The following ATP10D variants were observed in gnomAD, a reference collection of about 807,000 sequenced individuals.
ATP10D encodes the protein phospholipid-transporting ATPase VD.
ATP10D carries 89 observed loss-of-function variants against 144.8 expected under a neutral mutation model. The ratio of observed to expected loss-of-function variants is 0.61; its 90% CI spans 0.52 to 0.73. ATP10D has a LOEUF of 0.73. Ranked by LOEUF, ATP10D falls within the 30% of genes least tolerant of loss-of-function variation. The pLI is 0.00. For missense variants in ATP10D, 1,603 were observed against 1,714.8 expected, an observed-to-expected ratio of 0.93 and a Z score of 1.15; for synonymous variants, 571 against 615.1, an observed-to-expected ratio of 0.93 and a Z score of 1.06.
chr4:47,593,376 T>C lies in ATP10D; in HGVS notation c.*1995T>C, dbSNP rs1721127503. ...TTATGTACTTTGCTTAATGTAATCA[T>C]TCATATACTTTGCTACAAAAATATT... On this transcript the variant is annotated 3_prime_UTR_variant, in exon 23 of 23. Transcript: ENST00000273859. 6.6e-6 allele frequency: 1 copy of C among 152,110 alleles called. No homozygotes were observed. The highest frequency in any genetic ancestry group is 1.5e-5 in the Non-Finnish European group (1 of 67,988). 9.4% of individuals were successfully genotyped at this position (152,110 alleles called of 1,614,324 possible). A position where few individuals can be genotyped will look rare whatever the true frequency, so the allele number is the denominator to read the frequency against.
chr4:47,563,352 C>G (rs771853023), intron 14 of ATP10D, among the ~76,000 whole-genome samples: 1 of 152,072 alleles, frequency 6.6e-6, no homozygotes, highest in African/African-American at 2.4e-5. Context: ...AAAAGGAGAA[C>G]GAGTAAGTTT....
intron 13 of ATP10D, among the ~76,000 whole-genome samples, chr4:47,559,237 C>A (rs1207472259): frequency 6.6e-6 from 1 of 152,170 alleles, no homozygotes; most frequent in East Asian, 1.9e-4. Context: ...AACTTATAGT[C>A]TCTAAGTTCT....
intron 3 of ATP10D, among the ~76,000 whole-genome samples, chr4:47,519,189 G>A (rs1378591659): frequency 6.6e-6 from 1 of 152,092 alleles, no homozygotes; most frequent in East Asian, 1.9e-4. Flanking sequence ...AAGTGAAGTA[G>A]GCATCCACAT....
intron 11 of ATP10D, among the ~76,000 whole-genome samples, chr4:47,555,725 T>C (rs1454077400): frequency 6.6e-6 from 1 of 152,136 alleles, no homozygotes; most frequent in African/African-American, 2.4e-5. Context: ...CCGTATTGGA[T>C]TCAATATCAT....
intron 21 of ATP10D, among the ~76,000 whole-genome samples, 199 bp from the exon 22 acceptor site, chr4:47,586,820 C>T (rs1446442205): frequency 6.6e-6 from 1 of 152,198 alleles, no homozygotes; most frequent in Non-Finnish European, 1.5e-5. Context: ...TTTAGTTTTA[C>T]AGAATTCAAA....
At chr4:47,496,834 A>G (rs1017447936) in intron 1 of ATP10D, among the ~76,000 whole-genome samples, 1 of 151,910 alleles carries the variant, frequency 6.6e-6, no homozygotes, top group African/African-American at 2.4e-5. Context: ...TTATCTTATA[A>G]GATATTAATT....
At position 47,497,459 on chromosome 4, in the gene ATP10D, T is replaced by TA. The variant is rs951826460; in HGVS notation, c.-38+11951dup. On this transcript the variant is annotated intron_variant, in intron 1 of 22. Transcript: ENST00000273859. ...AACAAGAGCGAAACTCCGTCTCAAA[T>TA]AAAAAAAAAAATAGATCATTGTAAT... Among the ~76,000 whole-genome samples, 440 of 143,946 alleles carry TA rather than the reference T, an allele frequency of 3.1e-3. 1 individual carries two copies. Among genetic ancestry groups the TA allele is most frequent in the Admixed American group, 3.9e-3 (57 of 14,474 alleles). 94.4% of individuals were successfully genotyped at this position (143,946 alleles called of 152,430 possible).
At chr4:47,496,835 G>A (rs987687671) in intron 1 of ATP10D, among the ~76,000 whole-genome samples, 2 of 151,678 alleles carry the variant, frequency 1.3e-5, no homozygotes, top group Non-Finnish European at 2.9e-5. Flanking sequence ...TATCTTATAA[G>A]ATATTAATTA....
chr4:47,579,874 G>C (rs1044363234), intron 19 of ATP10D, among the ~76,000 whole-genome samples: 5 of 152,230 alleles, frequency 3.3e-5, no homozygotes, highest in African/African-American at 1.2e-4. Flanking sequence ...TTTGCCTTAG[G>C]AATACTGCGC....
intron 21 of ATP10D, 62 bp from the exon 22 acceptor site, chr4:47,586,957 C>A: frequency 1.3e-6 from 2 of 1,482,612 alleles, no homozygotes; most frequent in Non-Finnish European, 1.9e-6. Flanking sequence ...GCAGATTTGT[C>A]CGGGTGGCAA....
intron 22 of ATP10D, among the ~76,000 whole-genome samples, 187 bp downstream of exon 22, chr4:47,587,393 G>C (rs60466355): frequency 0.045 from 6,776 of 152,148 alleles, 528 homozygotes; most frequent in African/African-American, 0.15. Flanking sequence ...TAAGCAAACC[G>C]AGAGACTGAT....
intron 3 of ATP10D, among the ~76,000 whole-genome samples, chr4:47,520,921 C>T (rs1325428144): frequency 1.3e-5 from 2 of 152,168 alleles, no homozygotes; most frequent in Non-Finnish European, 2.9e-5. Flanking sequence ...CTTCTTCACT[C>T]TTCCAATCAA....
intron 1 of ATP10D, among the ~76,000 whole-genome samples, chr4:47,499,348 T>C (rs1577611909): frequency 1.3e-5 from 2 of 152,254 alleles, no homozygotes; most frequent in East Asian, 3.9e-4. Flanking sequence ...GGAAAAGAAA[T>C]CTCTAAATAG....
At chr4:47,576,017 C>T (rs571634406) in intron 18 of ATP10D, among the ~76,000 whole-genome samples, 5 of 148,564 alleles carry the variant, frequency 3.4e-5, no homozygotes, top group South Asian at 4.3e-4. Flanking sequence ...CTGCAAGCTC[C>T]GCCTCCCGGG....
At chr4:47,542,705 C>A (rs1718213560) in intron 9 of ATP10D, among the ~76,000 whole-genome samples, 1 of 152,154 alleles carries the variant, frequency 6.6e-6, no homozygotes, top group South Asian at 2.1e-4. Flanking sequence ...TCTCAAACTC[C>A]TGACCTCAGG....
Position 47,582,012 on chromosome 4 carries a change from C to G in ATP10D, c.3701C>G (p.Thr1234Arg). 1 of 1,614,152 alleles carries G rather than the reference C, an allele frequency of 6.2e-7. No individual in the cohort carries two copies. The highest frequency in any genetic ancestry group is 8.5e-7 in the Non-Finnish European group (1 of 1,180,000). ...TTTGCATTTGGAAACCCCCTGAACACAGCCGCTCTGTTCATCGTTCTCCTC... is the reference window on the plus strand; with the variant it reads ...TTTGCATTTGGAAACCCCCTGAACAGAGCCGCTCTGTTCATCGTTCTCCTC... ...DIFAFGNPLN[T>R]AALFIVLLHL... The change falls in exon 21 of 23, where the codon ACA becomes AGA. Residue 1234 changes from threonine (T) to arginine (R), a missense_variant. Coordinates refer to ENST00000273859, the MANE Select transcript of ATP10D (RefSeq NM_020453.4).
intron 1 of ATP10D, among the ~76,000 whole-genome samples, chr4:47,503,767 C>T (rs1486987985): frequency 6.6e-6 from 1 of 151,990 alleles, no homozygotes; most frequent in Non-Finnish European, 1.5e-5. Context: ...GATGTGGTGG[C>T]TCATGCCTGT....
At chr4:47,546,939 G>A (rs1451946544) in intron 10 of ATP10D, 77 bp downstream of exon 10, 2 of 1,371,378 alleles carry the variant, frequency 1.5e-6, no homozygotes, top group African/African-American at 2.9e-5. Context: ...TTATGATAGA[G>A]TCAAACTCTG....
chr4:47,557,861 A>C lies in ATP10D; in HGVS notation c.2022A>C (p.Glu674Asp). The change falls in exon 12 of 23, where the codon GAA (glutamate) becomes GAC (aspartate). Residue 674 changes from glutamate to aspartate, a missense_variant. By Grantham distance (45) the Glu-to-Asp change is conservative. Transcript: ENST00000273859. ...TGAAACCAGCTTCACCTGTGGAGGA[A>C]GAGGTCTCCCAGGTGTGTGAGAGCC... ...SRMKPASPVE[E>D]EVSQVCESPQ... 6.2e-7 allele frequency: 1 copy of C among 1,614,202 alleles called. No homozygotes were observed. The highest frequency in any genetic ancestry group is 2.2e-5 in the East Asian group (1 of 44,890).
Sources: gnomAD v4.1 joint callset for allele counts (sites outside exome capture counted in the v4.1 genomes callset) on GRCh38, gnomAD v4.1.1 for gene constraint, MANE v1.5 for transcripts, NCBI Gene and HGNC (gene_info 2026-07-23, HGNC 2026-07-21) for gene names.